The following UQCC1 variants were observed in gnomAD, a reference collection of about 807,000 sequenced individuals.
UQCC1 encodes the protein bFGF-repressed Zic-binding protein.
In UQCC1, 38 loss-of-function variants were observed where a neutral mutation model predicts 48.0. The observed-to-expected ratio is 0.79, with a 90% CI of 0.61 to 1.04. The LOEUF is 1.04. UQCC1 is among the 50% of genes least tolerant of loss of function. The pLI is 0.00. For missense variants in UQCC1, 368 were observed against 381.8 expected (o/e 0.96, Z 0.30); for synonymous variants, 111 against 129.2 (o/e 0.86, Z 0.95).
chr20:35,405,519 C>T (rs114683606), intron 1 of UQCC1, among the ~76,000 whole-genome samples: 72 of 152,236 alleles, frequency 4.7e-4, no homozygotes, highest in African/African-American at 1.7e-3. Flanking sequence ...TCTAAGAAAA[C>T]CCAGGCAGCA....
At chr20:35,359,919 C>T (rs112200931) in intron 6 of UQCC1, among the ~76,000 whole-genome samples, 10 of 152,244 alleles carry the variant, frequency 6.6e-5, no homozygotes, top group African/African-American at 2.4e-4. Flanking sequence ...ACTATGAAGC[C>T]TAACCCTTCT....
rs1402808652 is a variant in UQCC1 at position 35,302,605 on chromosome 20, G to A, written c.*1330C>T. ...AGGTACACACAGTAAAGTTTATTTT[G>A]GTGCATGGTATACTTCACTCCATTA... On this transcript the variant is annotated 3_prime_UTR_variant, in exon 10 of 10. Coordinates refer to ENST00000374385, the MANE Select transcript of UQCC1 (RefSeq NM_018244.5). The A allele has an allele frequency of 6.6e-6, 1 of 152,112 alleles. No homozygotes were observed. The highest frequency in any genetic ancestry group is 1.5e-5 in the Non-Finnish European group (1 of 68,032). The allele number at this position is 152,112 out of a possible 1,614,324, so 9.4% of individuals were successfully genotyped here.
At chr20:35,384,931 C>T (rs143308682) in intron 2 of UQCC1, among the ~76,000 whole-genome samples, 151 of 133,694 alleles carry the variant, frequency 1.1e-3, no homozygotes, top group African/African-American at 4.0e-3. Context: ...CATGCCACTG[C>T]ACTCCAGCCT....
rs1204654 is a variant in UQCC1 at position 35,388,836 on chromosome 20, G to A, written c.130-4703C>T. Among the ~76,000 whole-genome samples, 414 of 152,134 alleles carry A rather than the reference G, an allele frequency of 2.7e-3. 3 individuals are homozygous for A. Among genetic ancestry groups the A allele is most frequent in the African/African-American group, 9.6e-3 (397 of 41,514 alleles). Reference sequence around the variant, plus strand: ...TCCCAATACTTTGGGAGGCTGAGGCGGGAGGATCACCTGAGGTCAGGAGTT... The same window carrying A: ...TCCCAATACTTTGGGAGGCTGAGGCAGGAGGATCACCTGAGGTCAGGAGTT... On this transcript the variant is annotated intron_variant, in intron 2 of 9. Coordinates refer to ENST00000374385, the MANE Select transcript of UQCC1 (RefSeq NM_018244.5).
At chr20:35,404,563 T>G (rs1214190246) in intron 1 of UQCC1, among the ~76,000 whole-genome samples, 2 of 151,324 alleles carry the variant, frequency 1.3e-5, no homozygotes, top group African/African-American at 4.9e-5. Flanking sequence ...ATATACCTAA[T>G]GTAAATGATG....
chr20:35,408,187 G>A (rs1383798779), intron 1 of UQCC1, among the ~76,000 whole-genome samples: 2 of 152,120 alleles, frequency 1.3e-5, no homozygotes, highest in African/African-American at 4.8e-5. Flanking sequence ...CTAACACTTC[G>A]AGAGGCTGAG....
At position 35,374,070 on chromosome 20, in the gene UQCC1, G is replaced by A. The variant is rs891175117; in HGVS notation, c.406+114C>T. 50 of 743,920 alleles carry A rather than the reference G, an allele frequency of 6.7e-5. No individual in the cohort carries two copies. The East Asian group carries it at 1.3e-3, about 19-fold the overall frequency. 46.1% of individuals were successfully genotyped at this position (743,920 alleles called of 1,614,324 possible). A position where few individuals can be genotyped will look rare whatever the true frequency, so the allele number is the denominator to read the frequency against. Reference sequence around the variant, plus strand: ...ATAGACAGTTTGGATTATATGCTTTGTGCAGGAAAAACTGTTTCACTAGGG... The same window carrying A: ...ATAGACAGTTTGGATTATATGCTTTATGCAGGAAAAACTGTTTCACTAGGG... On this transcript the variant is annotated intron_variant, in intron 5 of 9. Transcript: ENST00000374385.
chr20:35,390,056 A>C (rs2061995137), intron 2 of UQCC1, among the ~76,000 whole-genome samples: 1 of 152,204 alleles, frequency 6.6e-6, no homozygotes, highest in Non-Finnish European at 1.5e-5. Context: ...TGCTAAGTGA[A>C]ATAAGCATGT....
At chr20:35,309,205 G>GGTGGGCTC (rs1263364933) in intron 8 of UQCC1, 1 of 455,508 alleles carries the variant, frequency 2.2e-6, no homozygotes, top group South Asian at 1.5e-5. Flanking sequence ...GTCCAAGCTG[G>GGTGGGCTC]GTGGATCACT....
Position 35,338,884 on chromosome 20 carries a change from A to ATATATATAT in UQCC1, c.573+8279_573+8280insATATATATA, listed in dbSNP as rs1568666124. Among the ~76,000 whole-genome samples the ATATATATAT allele has an allele frequency of 6.8e-5, 4 of 59,234 alleles. No individual in the cohort carries two copies. The African/African-American group carries it at 8.7e-4, about 13-fold the overall frequency. 38.9% of individuals were successfully genotyped at this position (59,234 alleles called of 152,430 possible). A position where few individuals can be genotyped will look rare whatever the true frequency, so the allele number is the denominator to read the frequency against. On this transcript the variant is annotated intron_variant, in intron 7 of 9. Coordinates refer to ENST00000374385, the MANE Select transcript of UQCC1 (RefSeq NM_018244.5). ...AAAAAAAAAAAAAAAAAAAAAAAAA[A>ATATATATAT]AAAAAAAAATATATATATATATATG...
chr20:35,328,498 G>A (rs1022771020), intron 7 of UQCC1, among the ~76,000 whole-genome samples: 1 of 152,194 alleles, frequency 6.6e-6, no homozygotes, highest in Non-Finnish European at 1.5e-5. Context: ...GATGTAAGGT[G>A]GGTATTACAG....
chr20:35,381,920 A>G lies in UQCC1; in HGVS notation c.331T>C (p.Trp111Arg). The change falls in exon 4 of 10, where the codon TGG becomes CGG. Residue 111 changes from tryptophan (W) to arginine (R), a missense_variant and splice_region_variant. Transcript: ENST00000374385. ...GAGAAGAACTTAAAGGACTTTACCC[A>G]TTTACTGTATTTCAAAGGTCCCGTG... ...GFTGPLKYSK[W>R]KIKIAALRMY... The G allele has an allele frequency of 6.4e-7, 1 of 1,572,828 alleles. No homozygotes were observed. The highest frequency in any genetic ancestry group is 8.7e-7 in the Non-Finnish European group (1 of 1,148,294).
chr20:35,375,949 A>T (rs1193867785), intron 4 of UQCC1, among the ~76,000 whole-genome samples: 1 of 17,858 alleles, frequency 5.6e-5, no homozygotes, highest in Non-Finnish European at 1.1e-4. Context: ...ACCTTGCCTA[A>T]AAAAAAAAAA....
chr20:35,394,381 A>G (rs138705953), intron 1 of UQCC1, among the ~76,000 whole-genome samples, 185 bp from the exon 2 acceptor site: 21 of 152,222 alleles, frequency 1.4e-4, no homozygotes, highest in Admixed American at 1.3e-4. Flanking sequence ...GTAACTCATA[A>G]TAAGCCCCTT....
intron 6 of UQCC1, among the ~76,000 whole-genome samples, chr20:35,350,459 G>A (rs1481094878): frequency 6.6e-6 from 1 of 152,146 alleles, no homozygotes; most frequent in Non-Finnish European, 1.5e-5. Flanking sequence ...CACTTTGGGA[G>A]GCCAAGGCCA....
intron 1 of UQCC1, among the ~76,000 whole-genome samples, chr20:35,402,736 T>TGACCTG (rs2062185733): frequency 1.3e-5 from 2 of 151,590 alleles, no homozygotes; most frequent in African/African-American, 2.4e-5. Flanking sequence ...GAGGTTGCAG[T>TGACCTG]AGGCAGAGAT....
intron 7 of UQCC1, among the ~76,000 whole-genome samples, chr20:35,322,592 G>A (rs955848044): frequency 2.0e-5 from 3 of 151,998 alleles, no homozygotes; most frequent in Non-Finnish European, 2.9e-5. Flanking sequence ...AAATTAGCTG[G>A]GCATAGTGGC....
At chr20:35,360,729 C>T (rs1399169226) in intron 6 of UQCC1, among the ~76,000 whole-genome samples, 3 of 152,150 alleles carry the variant, frequency 2.0e-5, no homozygotes, top group Non-Finnish European at 4.4e-5. Context: ...GTACATCACC[C>T]TGTGCTAGTT....
At chr20:35,344,495 G>A (rs548457407) in intron 7 of UQCC1, 5 of 152,354 alleles carry the variant, frequency 3.3e-5, no homozygotes, top group Admixed American at 2.6e-4. Context: ...AAGAGCTACT[G>A]CGCAACTGCC....
Sources: gnomAD v4.1 joint callset for allele counts (sites outside exome capture counted in the v4.1 genomes callset) on GRCh38, gnomAD v4.1.1 for gene constraint, MANE v1.5 for transcripts, NCBI Gene and HGNC (gene_info 2026-07-23, HGNC 2026-07-21) for gene names.